RHOBTB2: variants seen among roughly 807,000 people sequenced by gnomAD.
RHOBTB2 encodes the protein Rho related BTB domain containing 2, also known as rho-related BTB domain-containing protein 2.
RHOBTB2 carries 39 observed loss-of-function variants against 66.5 expected under a neutral mutation model. That is an observed-to-expected ratio of 0.59 (90% CI 0.45 to 0.77). RHOBTB2 has a LOEUF of 0.77. Ranked by LOEUF, RHOBTB2 falls within the 30% of genes least tolerant of loss-of-function variation. The probability of loss-of-function intolerance (pLI) is 0.00; values close to 1 mark genes in which losing one functional copy is unlikely to be tolerated. For synonymous variants in RHOBTB2, 390 were observed against 395.0 expected (o/e 0.99, Z 0.15); for missense variants, 755 against 999.1 (o/e 0.76, Z 3.29).
chr8:23,005,651 C>T (rs560631427), intron 3 of RHOBTB2, among the ~76,000 whole-genome samples, 176 bp downstream of exon 3: 116 of 152,246 alleles, frequency 7.6e-4, no homozygotes, highest in Middle Eastern at 3.4e-3. Context: ...AGCCTGGGTC[C>T]GGGATCAGGA....
upstream of RHOBTB2, among the ~76,000 whole-genome samples, chr8:22,984,013 C>T (rs1810253253): frequency 1.3e-5 from 2 of 152,130 alleles, no homozygotes; most frequent in South Asian, 4.1e-4. Flanking sequence ...GGATTACAGG[C>T]GTGAGCCACT....
At chr8:22,978,413 G>A in the RHOBTB2 span, among the ~76,000 whole-genome samples, 1 of 150,946 alleles carries the variant, frequency 6.6e-6, no homozygotes, top group Admixed American at 6.6e-5. Context: ...CGTGAGCCCG[G>A]GAGGTGGAGC....
chr8:22,996,038 G>A (rs895730918), upstream of RHOBTB2, among the ~76,000 whole-genome samples: 5 of 152,332 alleles, frequency 3.3e-5, no homozygotes, highest in Admixed American at 6.5e-5. Context: ...GGGACTGGCC[G>A]GGGAGCCTGC....
chr8:22,959,134 T>C, the RHOBTB2 span, among the ~76,000 whole-genome samples: 1 of 152,266 alleles, frequency 6.6e-6, no homozygotes, highest in Non-Finnish European at 1.5e-5. Context: ...TCCTTGGTCT[T>C]TGCCCTGTGT....
At chr8:22,964,955 T>C in the RHOBTB2 span, among the ~76,000 whole-genome samples, 1 of 151,986 alleles carries the variant, frequency 6.6e-6, no homozygotes, top group African/African-American at 2.4e-5. Flanking sequence ...TAGCTGGGAT[T>C]ACAGGCGCCC....
chr8:22,995,754 G>C (rs1336998766), upstream of RHOBTB2: 2 of 1,214,400 alleles, frequency 1.6e-6, no homozygotes, highest in African/African-American at 3.0e-5. Flanking sequence ...CCCAGCTGCA[G>C]GGTAGGAACA....
At chr8:22,984,392 A>G (rs900349844), upstream of RHOBTB2, among the ~76,000 whole-genome samples, 7 of 152,250 alleles carry the variant, frequency 4.6e-5, no homozygotes, top group East Asian at 1.3e-3. Context: ...TGTGTAATAC[A>G]TCAAGGTTTC....
rs1402635305 is a variant in RHOBTB2 at position 22,999,673 on chromosome 8, C to T, written c.-443C>T. ...GTGAATGAAAAAAGGAGGTCGCGAG[C>T]GGTACCTGGGACTGCAGCGCCAGGC... On this transcript the variant is annotated 5_prime_UTR_variant, in exon 1 of 10. Coordinates refer to ENST00000251822, the MANE Select transcript of RHOBTB2 (RefSeq NM_015178.3). 13 of 1,245,884 alleles carry T rather than the reference C, an allele frequency of 1.0e-5. No individual in the cohort carries two copies. The highest frequency in any genetic ancestry group is 1.3e-5 in the South Asian group (1 of 77,466). The allele number at this position is 1,245,884 out of a possible 1,614,324, so 77.2% of individuals were successfully genotyped here.
upstream of RHOBTB2, among the ~76,000 whole-genome samples, chr8:22,998,416 A>C (rs745834186): frequency 6.6e-6 from 1 of 152,154 alleles, no homozygotes; most frequent in African/African-American, 2.4e-5. Flanking sequence ...AACCAGACTG[A>C]GCTGACTACT....
chr8:23,008,665 G>A (rs918079922), intron 6 of RHOBTB2, among the ~76,000 whole-genome samples: 12 of 152,210 alleles, frequency 7.9e-5, no homozygotes, highest in African/African-American at 2.2e-4. Context: ...ACAGCACCAT[G>A]GCTGGGGTCA....
the RHOBTB2 span, among the ~76,000 whole-genome samples, chr8:22,952,925 G>A: frequency 1.3e-5 from 2 of 152,202 alleles, no homozygotes; most frequent in East Asian, 1.9e-4. Context: ...AGTTTCAAGC[G>A]GGAACAAAAG....
upstream of RHOBTB2, among the ~76,000 whole-genome samples, chr8:22,984,176 T>G (rs1398620505): frequency 2.6e-5 from 4 of 152,214 alleles, no homozygotes; most frequent in African/African-American, 9.7e-5. Context: ...ATACAGTTTC[T>G]TAAAACTTAA....
At chr8:22,986,265 CTTTTTTTTT>C (rs33995780), upstream of RHOBTB2, among the ~76,000 whole-genome samples, 3 of 84,978 alleles carry the variant, frequency 3.5e-5, no homozygotes, top group African/African-American at 1.4e-4. Context: ...CAGTGCATTG[CTTTTTTTTT>C]TTTTTTTTTT....
intron 1 of RHOBTB2, among the ~76,000 whole-genome samples, chr8:22,991,286 C>A (rs1388042444): frequency 2.0e-5 from 3 of 152,166 alleles, no homozygotes; most frequent in East Asian, 3.9e-4. Context: ...TACTTCCCAC[C>A]AGGGTCCCTG....
chr8:23,012,624 T>C (rs1157813614), intron 7 of RHOBTB2, among the ~76,000 whole-genome samples: 2 of 152,078 alleles, frequency 1.3e-5, no homozygotes, highest in South Asian at 2.1e-4. Context: ...ACTATTGTTA[T>C]TATGTTTTTT....
chr8:23,020,106 G>C lies in RHOBTB2; in HGVS notation c.*2637G>C. On this transcript the variant is annotated 3_prime_UTR_variant, in exon 10 of 10. Transcript: ENST00000251822. ...TGATTCACAGGAGGAGGGGAGGTTG[G>C]GGGGCGGGAGACAAAAACCACACCT... 2.7e-6 allele frequency: 1 copy of C among 370,898 alleles called. No homozygotes were observed. Among genetic ancestry groups the C allele is most frequent in the Admixed American group, 3.2e-5 (1 of 30,834 alleles). 23.0% of individuals were successfully genotyped at this position (370,898 alleles called of 1,614,324 possible).
intron 1 of RHOBTB2, among the ~76,000 whole-genome samples, chr8:23,001,170 T>C (rs959766129): frequency 6.6e-6 from 1 of 152,078 alleles, no homozygotes; most frequent in African/African-American, 2.4e-5. Flanking sequence ...CCAGTGACTT[T>C]GCGATTGTCA....
intron 6 of RHOBTB2, among the ~76,000 whole-genome samples, chr8:23,009,558 G>A (rs987061512): frequency 7.2e-5 from 11 of 152,160 alleles, no homozygotes; most frequent in East Asian, 1.9e-4. Flanking sequence ...GCTTCTGAGC[G>A]CAGGGACTGG....
intron 2 of RHOBTB2, chr8:22,992,221 C>T (rs545276129): frequency 1.3e-5 from 2 of 152,320 alleles, no homozygotes; most frequent in African/African-American, 4.8e-5. Context: ...CCTGGACACA[C>T]ATCTCCCCTG....
Sources: allele counts gnomAD v4.1 joint callset (sites outside exome capture counted in the v4.1 genomes callset), GRCh38; gene constraint gnomAD v4.1.1; transcripts MANE v1.5; gene names NCBI Gene and HGNC (gene_info 2026-07-23, HGNC 2026-07-21).